Variants in EGF observed in about 807,000 individuals in gnomAD.
The protein encoded by EGF is pro-epidermal growth factor.
A neutral mutation model predicts 143.8 loss-of-function variants in EGF; 95 were observed. The ratio of observed to expected loss-of-function variants is 0.66; its 90% CI spans 0.56 to 0.78. EGF has a LOEUF of 0.78. EGF is among the 30% of genes least tolerant of loss of function. The pLI, the probability that EGF is intolerant of heterozygous loss-of-function variation, is 0.00. For synonymous variants in EGF, 510 were observed against 510.5 expected, an observed-to-expected ratio of 1.00 and a Z score of 0.01; for missense variants, 1,320 against 1,470.9, an observed-to-expected ratio of 0.90 and a Z score of 1.68.
intron 13 of EGF, 151 bp from the exon 14 acceptor site, chr4:109,979,821 T>C: frequency 2.5e-6 from 2 of 810,908 alleles, no homozygotes; most frequent in Non-Finnish European, 3.9e-6. Flanking sequence ...TTGAGGCAGG[T>C]GTGTGAGTCG....
At chr4:109,954,177 A>G (rs1307788218) in intron 5 of EGF, among the ~76,000 whole-genome samples, 7 of 152,086 alleles carry the variant, frequency 4.6e-5, no homozygotes, top group Admixed American at 2.0e-4. Flanking sequence ...TCAGCCTCCC[A>G]AGAAGCTGGG....
intron 1 of EGF, among the ~76,000 whole-genome samples, chr4:109,922,247 G>A (rs559199891): frequency 1.3e-5 from 2 of 151,578 alleles, no homozygotes; most frequent in South Asian, 4.1e-4. Flanking sequence ...AAAACCTGCT[G>A]GAACTTTTAT....
Position 109,976,199 on chromosome 4 carries a change from G to T in EGF, c.2017G>T (p.Gly673Cys), listed in dbSNP as rs1177684571. 2 of 1,614,106 alleles carry T rather than the reference G, an allele frequency of 1.2e-6. No homozygotes were observed. Among genetic ancestry groups the T allele is most frequent in the African/African-American group, 2.7e-5 (2 of 75,046 alleles). Residue 673 changes from glycine (G) to cysteine (C), a missense_variant, in exon 13 of 24, where the codon GGT becomes TGT. Gly to Cys is a radical substitution (Grantham distance 159, BLOSUM62 -3). Transcript: ENST00000265171. ...QSVIEMANLD[G>C]SKRRRLTQND... is the part of the protein sequence containing the mutation. Reference sequence around the variant, plus strand: ...TGTGATTGAAATGGCCAATCTGGATGGTTCAAAACGCCGAAGACTTACCCA... The same window carrying T: ...TGTGATTGAAATGGCCAATCTGGATTGTTCAAAACGCCGAAGACTTACCCA...
intron 1 of EGF, among the ~76,000 whole-genome samples, chr4:109,927,054 C>T (rs544295695): frequency 2.6e-5 from 4 of 152,198 alleles, no homozygotes; most frequent in Middle Eastern, 3.4e-3. Flanking sequence ...TTGTTAAAAA[C>T]GTAAAATGCA....
chr4:109,959,504 A>G (rs1001065250), intron 6 of EGF, 67 bp downstream of exon 6: 20 of 1,609,854 alleles, frequency 1.2e-5, no homozygotes, highest in Middle Eastern at 2.1e-4. Context: ...TGCTCAACTG[A>G]GCCAGCGGCT....
chr4:109,946,103 A>G (rs1742816699), intron 5 of EGF, among the ~76,000 whole-genome samples: 1 of 152,152 alleles, frequency 6.6e-6, no homozygotes, highest in Non-Finnish European at 1.5e-5. Flanking sequence ...CTAATCCAAC[A>G]CCGAATCCAT....
In EGF at chr4:110,012,506, T is replaced by G. The variant is rs1429916631; in HGVS notation, c.*1051T>G. 6.6e-6 allele frequency among the ~76,000 whole-genome samples: 1 copy of G among 152,050 alleles called. No individual in the cohort carries two copies. Among genetic ancestry groups the G allele is most frequent in the Non-Finnish European group, 1.5e-5 (1 of 68,008 alleles). On this transcript the variant is annotated 3_prime_UTR_variant, in exon 24 of 24. Coordinates refer to ENST00000265171, the MANE Select transcript of EGF (RefSeq NM_001963.6). ...CTCCTGCCTCAGCCTCCCGAGTAAC[T>G]AGGACCACAGGCACAGGCCACCATG...
intron 10 of EGF, among the ~76,000 whole-genome samples, chr4:109,967,312 G>A (rs540825305): frequency 9.2e-5 from 14 of 152,222 alleles, no homozygotes; most frequent in African/African-American, 1.4e-4. Flanking sequence ...TTTTCCCAAC[G>A]TATATTTTTG....
At chr4:109,963,070 A>C (rs2126063783) in intron 8 of EGF, 103 bp from the exon 9 acceptor site, 1 of 1,488,154 alleles carries the variant, frequency 6.7e-7, no homozygotes, top group Non-Finnish European at 9.3e-7. Context: ...ATCTCAAAAA[A>C]AAAAAAAAAA....
intron 23 of EGF, 55 bp downstream of exon 23, chr4:110,008,285 T>G: frequency 6.3e-7 from 1 of 1,593,650 alleles, no homozygotes; most frequent in Non-Finnish European, 8.6e-7. Context: ...AGATCCTGAC[T>G]GTTTTTCAAT....
chr4:109,922,196 G>C (rs1737921222), intron 1 of EGF, among the ~76,000 whole-genome samples: 2 of 151,702 alleles, frequency 1.3e-5, no homozygotes, highest in Middle Eastern at 3.2e-3. Context: ...AATGCTCTAA[G>C]TGGATCAAAA....
chr4:109,975,161 C>T (rs532865862), intron 12 of EGF, among the ~76,000 whole-genome samples: 47 of 152,228 alleles, frequency 3.1e-4, no homozygotes, highest in African/African-American at 1.1e-3. Context: ...TTAGAAAAAT[C>T]ACAAGATATA....
At chr4:109,969,265 C>A in intron 11 of EGF, 146 bp downstream of exon 11, 1 of 1,010,464 alleles carries the variant, frequency 9.9e-7, no homozygotes, top group Non-Finnish European at 1.5e-6. Context: ...CATTGCGGTC[C>A]ACACTCCCTC....
At chr4:109,933,512 T>G (rs1472653286) in intron 1 of EGF, among the ~76,000 whole-genome samples, 1 of 152,118 alleles carries the variant, frequency 6.6e-6, no homozygotes, top group African/African-American at 2.4e-5. Flanking sequence ...CATGTTTGTT[T>G]GCTGCACCCA....
In EGF at chr4:109,929,915, T is replaced by G. The variant is rs192689396; in HGVS notation, c.128-11031T>G. Among the ~76,000 whole-genome samples, 11 of 152,334 alleles carry G rather than the reference T, an allele frequency of 7.2e-5. 1 individual carries two copies. The East Asian group carries it at 2.1e-3, about 29-fold the overall frequency. On this transcript the variant is annotated intron_variant, in intron 1 of 23. Transcript: ENST00000265171. ...CCCACTCAAATTCCATCTTGAATTG[T>G]AATCCCCAGGTGTTGAGGGAGAGAC...
intron 17 of EGF, among the ~76,000 whole-genome samples, chr4:109,988,172 C>T (rs1578354155): frequency 6.7e-6 from 1 of 149,546 alleles, no homozygotes; most frequent in Non-Finnish European, 1.5e-5. Flanking sequence ...ATGACTTCAC[C>T]AATTCCAATG....
intron 16 of EGF, among the ~76,000 whole-genome samples, chr4:109,987,190 A>C (rs903061212): frequency 1.3e-5 from 2 of 152,236 alleles, no homozygotes; most frequent in Non-Finnish European, 2.9e-5. Flanking sequence ...GCTTTTAAAA[A>C]TTATAAATAA....
At chr4:109,927,101 C>A (rs987307309) in intron 1 of EGF, among the ~76,000 whole-genome samples, 1 of 152,032 alleles carries the variant, frequency 6.6e-6, no homozygotes, top group Non-Finnish European at 1.5e-5. Context: ...TGTTTAAAAT[C>A]TAGAAAGATA....
chr4:109,955,045 A>G (rs1441456977), intron 5 of EGF, among the ~76,000 whole-genome samples: 1 of 152,250 alleles, frequency 6.6e-6, no homozygotes, highest in Non-Finnish European at 1.5e-5. Flanking sequence ...TTTGAATGGA[A>G]GAGACTAGAA....
Sources: gnomAD v4.1 joint callset for allele counts (sites outside exome capture counted in the v4.1 genomes callset) on GRCh38, gnomAD v4.1.1 for gene constraint, MANE v1.5 for transcripts, NCBI Gene and HGNC (gene_info 2026-07-23, HGNC 2026-07-21) for gene names.